The following PRKCA variants were observed in gnomAD, a reference collection of about 807,000 sequenced individuals.
PRKCA encodes the protein protein kinase C alpha type.
PRKCA carries 27 observed loss-of-function variants against 87.0 expected under a neutral mutation model. The observed-to-expected ratio is 0.31, with a 90% CI of 0.23 to 0.43. The LOEUF is 0.43. Ranked by LOEUF, PRKCA falls within the 20% of genes least tolerant of loss-of-function variation. The pLI, the probability that PRKCA is intolerant of heterozygous loss-of-function variation, is 1.00. For synonymous variants in PRKCA, 329 were observed against 311.1 expected, an observed-to-expected ratio of 1.06 and a Z score of -0.61; for missense variants, 518 against 852.3, an observed-to-expected ratio of 0.61 and a Z score of 4.88.
At chr17:66,458,327 G>A (rs1456519728) in intron 2 of PRKCA, among the ~76,000 whole-genome samples, 1 of 152,030 alleles carries the variant, frequency 6.6e-6, no homozygotes, top group Admixed American at 6.6e-5. Context: ...CTTGAAGTAA[G>A]GTACAAAAAG....
intron 3 of PRKCA, among the ~76,000 whole-genome samples, chr17:66,504,124 A>T (rs1368796906): frequency 3.3e-5 from 5 of 152,192 alleles, no homozygotes; most frequent in Non-Finnish European, 2.9e-5. Context: ...AGAGATCTTT[A>T]AAGTTGCCTT....
intron 2 of PRKCA, among the ~76,000 whole-genome samples, chr17:66,474,839 G>C (rs890281954): frequency 1.3e-5 from 2 of 152,132 alleles, no homozygotes; most frequent in African/African-American, 4.8e-5. Context: ...AGAGTATGTG[G>C]ATGCTTTCAC....
intron 8 of PRKCA, among the ~76,000 whole-genome samples, chr17:66,730,465 A>G (rs1973857439): frequency 6.6e-6 from 1 of 152,190 alleles, no homozygotes; most frequent in African/African-American, 2.4e-5. Context: ...CAAATGCTAA[A>G]CGAGGGGTGG....
intron 3 of PRKCA, among the ~76,000 whole-genome samples, chr17:66,576,418 T>C (rs963805896): frequency 2.0e-5 from 3 of 152,224 alleles, no homozygotes; most frequent in African/African-American, 7.2e-5. Context: ...GCCCATACTA[T>C]AGAGACCATT....
At position 66,651,052 on chromosome 17, in the gene PRKCA, C is replaced by T. The variant is rs181655066; in HGVS notation, c.529+5541C>T. On this transcript the variant is annotated intron_variant, in intron 5 of 16. Coordinates refer to ENST00000413366, the MANE Select transcript of PRKCA (RefSeq NM_002737.3). ...AGTGGGAGTTTGGGAGAAGGGGAGC[C>T]TCAGTGGCCCTGGGGAGGCAGCAGG... Among the ~76,000 whole-genome samples, 713 of 152,160 alleles carry T rather than the reference C, an allele frequency of 4.7e-3. 3 individuals are homozygous for T. Among genetic ancestry groups the T allele is most frequent in the Non-Finnish European group, 8.5e-3 (577 of 68,000 alleles).
At chr17:66,730,055 T>G (rs1973848831) in intron 8 of PRKCA, among the ~76,000 whole-genome samples, 1 of 152,170 alleles carries the variant, frequency 6.6e-6, no homozygotes, top group East Asian at 1.9e-4. Flanking sequence ...CCTCCCAAAG[T>G]GCTGGGATTA....
At chr17:66,565,614 G>A (rs1053520013) in intron 3 of PRKCA, among the ~76,000 whole-genome samples, 1 of 152,178 alleles carries the variant, frequency 6.6e-6, no homozygotes, top group Non-Finnish European at 1.5e-5. Context: ...GGCATAGGAG[G>A]CCCCTTTTTC....
chr17:66,777,420 T>TGGGGGGGGGGGGGGGGGGG, intron 14 of PRKCA: 1 of 962,010 alleles, frequency 1.0e-6, no homozygotes, highest in Non-Finnish European at 1.2e-6. Context: ...ATTTATTTAG[T>TGGGGGGGGGGGGGGGGGGG]TCCCCTCCCC....
intron 3 of PRKCA, among the ~76,000 whole-genome samples, chr17:66,575,721 G>C (rs1969220338): frequency 6.6e-6 from 1 of 152,222 alleles, no homozygotes; most frequent in Non-Finnish European, 1.5e-5. Flanking sequence ...TTATGCATTG[G>C]TGTGAGGCTT....
At chr17:66,570,119 G>A (rs547668350) in intron 3 of PRKCA, among the ~76,000 whole-genome samples, 5 of 152,168 alleles carry the variant, frequency 3.3e-5, no homozygotes, top group Non-Finnish European at 7.3e-5. Flanking sequence ...ATAACACTGA[G>A]AGAAAGAACC....
chr17:66,772,602 A>G (rs770781809), intron 13 of PRKCA, among the ~76,000 whole-genome samples: 3 of 152,162 alleles, frequency 2.0e-5, no homozygotes, highest in Non-Finnish European at 2.9e-5. Context: ...GAATCCTGGC[A>G]TGTGATCCAT....
chr17:66,761,723 C>T (rs1300656480), intron 13 of PRKCA, among the ~76,000 whole-genome samples: 4 of 152,000 alleles, frequency 2.6e-5, no homozygotes, highest in African/African-American at 9.7e-5. Flanking sequence ...TGTGCCCGGC[C>T]AGTTTTCTTT....
intron 5 of PRKCA, among the ~76,000 whole-genome samples, chr17:66,678,141 G>A (rs1396258028): frequency 6.6e-6 from 1 of 152,202 alleles, no homozygotes; most frequent in African/African-American, 2.4e-5. Context: ...CCCTAAATGT[G>A]ATCACATGTG....
intron 8 of PRKCA, among the ~76,000 whole-genome samples, chr17:66,725,113 A>G (rs1973711865): frequency 6.6e-6 from 1 of 152,156 alleles, no homozygotes; most frequent in Admixed American, 6.5e-5. Flanking sequence ...GGGGAGGGTC[A>G]TCATGTGGCC....
At chr17:66,360,352 GC>G (rs1163000174) in intron 2 of PRKCA, among the ~76,000 whole-genome samples, 7 of 152,132 alleles carry the variant, frequency 4.6e-5, no homozygotes, top group Admixed American at 2.0e-4. Context: ...CAGGGGAAAG[GC>G]CTGGAGAGCA....
chr17:66,646,260 C>G (rs1971451499), intron 5 of PRKCA, among the ~76,000 whole-genome samples: 1 of 152,206 alleles, frequency 6.6e-6, no homozygotes, highest in African/African-American at 2.4e-5. Context: ...TGGGTGGGCT[C>G]TGCCACAACA....
intron 8 of PRKCA, among the ~76,000 whole-genome samples, chr17:66,707,612 T>C (rs542913454): frequency 6.6e-6 from 1 of 152,302 alleles, no homozygotes; most frequent in Non-Finnish European, 1.5e-5. Flanking sequence ...AAATCAGTAA[T>C]TCTGGACATT....
intron 8 of PRKCA, among the ~76,000 whole-genome samples, chr17:66,690,550 A>G (rs1264289851): frequency 2.0e-5 from 3 of 152,192 alleles, no homozygotes; most frequent in Non-Finnish European, 4.4e-5. Flanking sequence ...ACTTAGAACC[A>G]GGCCCTGTGC....
At chr17:66,612,317 G>T (rs1215011323) in intron 3 of PRKCA, among the ~76,000 whole-genome samples, 2 of 144,998 alleles carry the variant, frequency 1.4e-5, no homozygotes, top group African/African-American at 5.1e-5. Context: ...GGAGATGGAG[G>T]TTGCAGTGAG....
Sources: gnomAD v4.1 joint callset for allele counts (sites outside exome capture counted in the v4.1 genomes callset) on GRCh38, gnomAD v4.1.1 for gene constraint, MANE v1.5 for transcripts, NCBI Gene and HGNC (gene_info 2026-07-23, HGNC 2026-07-21) for gene names.